The following UBTD1 variants were observed in gnomAD, a reference collection of about 807,000 sequenced individuals.
UBTD1 encodes the protein ubiquitin domain containing 1.
A neutral mutation model predicts 21.7 loss-of-function variants in UBTD1; 19 were observed. The observed-to-expected ratio is 0.87, with a 90% CI of 0.61 to 1.28. The LOEUF (loss-of-function observed/expected upper bound fraction) is 1.28, where lower values mean the gene tolerates loss of function less well. Ranked by LOEUF, UBTD1 falls within the 50% of genes most tolerant of loss-of-function variation. The pLI is 0.00. For synonymous variants in UBTD1, 116 were observed against 135.1 expected (o/e 0.86, Z 0.98); for missense variants, 282 against 315.1 (o/e 0.89, Z 0.80).
chr10:97,510,873 T>G (rs1040799803), intron 1 of UBTD1, among the ~76,000 whole-genome samples: 1 of 152,210 alleles, frequency 6.6e-6, no homozygotes. Flanking sequence ...CAATTCTTGC[T>G]GATCTCAGCA....
chr10:97,505,480 G>A lies in UBTD1; in HGVS notation c.70+6207G>A, dbSNP rs117442624. The stretch of plus-strand genomic sequence containing the variant: ...TTGTTTCTTCCTCAGTTGATCCCCC[G>A]TTTTAAAAAGATAATATTTCCAGTT... On this transcript the variant is annotated intron_variant, in intron 1 of 2. Coordinates refer to ENST00000370664, the MANE Select transcript of UBTD1 (RefSeq NM_024954.5). Among the ~76,000 whole-genome samples, 517 of 152,282 alleles carry A rather than the reference G, an allele frequency of 3.4e-3. 2 individuals carry two copies. The highest frequency in any genetic ancestry group is 6.8e-3 in the African/African-American group (283 of 41,554).
At chr10:97,568,185 G>T (rs1228616466) in intron 2 of UBTD1, 44 bp downstream of exon 2, 3 of 1,600,148 alleles carry the variant, frequency 1.9e-6, no homozygotes, top group African/African-American at 2.7e-5. Context: ...GGAGCTAGGG[G>T]GTCACCAGCA....
At position 97,499,031 on chromosome 10, in the gene UBTD1, C is replaced by T. The variant is rs1299826594; in HGVS notation, c.-173C>T. On this transcript the variant is annotated 5_prime_UTR_variant, in exon 1 of 3. Coordinates refer to ENST00000370664, the MANE Select transcript of UBTD1 (RefSeq NM_024954.5). ...GGAGTCTGCCACTTCCCTCTCTCCC[C>T]TGGCCCGCAAAGTTTTGGCGGAGCC... is the stretch of plus-strand genomic sequence containing the variant. The T allele has an allele frequency of 1.4e-6, 1 of 716,800 alleles. No homozygotes were observed. Among genetic ancestry groups the T allele is most frequent in the African/African-American group, 1.9e-5 (1 of 52,784 alleles). The allele number at this position is 716,800 out of a possible 1,614,324, so 44.4% of individuals were successfully genotyped here. A position where few individuals can be genotyped will look rare whatever the true frequency, so the allele number is the denominator to read the frequency against.
At chr10:97,507,770 G>A (rs1250902358) in intron 1 of UBTD1, among the ~76,000 whole-genome samples, 4 of 90,754 alleles carry the variant, frequency 4.4e-5, no homozygotes, top group Non-Finnish European at 5.9e-5. Flanking sequence ...GCAAGACTCC[G>A]TCTCAAAAAA....
At chr10:97,510,612 T>G (rs544696726) in intron 1 of UBTD1, among the ~76,000 whole-genome samples, 1 of 152,326 alleles carries the variant, frequency 6.6e-6, no homozygotes, top group African/African-American at 2.4e-5. Context: ...CTCGCCATGC[T>G]TGATGCTATA....
At chr10:97,558,323 T>C (rs956909948) in intron 1 of UBTD1, among the ~76,000 whole-genome samples, 2 of 152,230 alleles carry the variant, frequency 1.3e-5, no homozygotes, top group African/African-American at 4.8e-5. Context: ...CTTTGGTATC[T>C]AGTTAGTCTA....
chr10:97,505,009 A>G (rs2040392420), intron 1 of UBTD1, among the ~76,000 whole-genome samples: 1 of 152,112 alleles, frequency 6.6e-6, no homozygotes, highest in African/African-American at 2.4e-5. Context: ...CCTTCTTGCC[A>G]TTTTATGTGT....
intron 1 of UBTD1, among the ~76,000 whole-genome samples, chr10:97,524,208 C>T (rs1280699127): frequency 6.6e-6 from 1 of 152,176 alleles, no homozygotes; most frequent in Non-Finnish European, 1.5e-5. Flanking sequence ...GATCCTCCCA[C>T]TTTAGCCTCT....
At chr10:97,533,735 C>A (rs1238934803) in intron 1 of UBTD1, among the ~76,000 whole-genome samples, 7 of 151,924 alleles carry the variant, frequency 4.6e-5, no homozygotes, top group African/African-American at 7.3e-5. Flanking sequence ...ACCAGCCTGG[C>A]CAACATGGTG....
At chr10:97,523,305 T>G (rs11592144) in intron 1 of UBTD1, among the ~76,000 whole-genome samples, 36,885 of 152,142 alleles carry the variant, frequency 0.24, 4,728 homozygotes, top group Non-Finnish European at 0.28. Flanking sequence ...GGTGGCCATC[T>G]GGGAGCAATA....
At chr10:97,567,787 C>T in intron 1 of UBTD1, 127 bp from the exon 2 acceptor site, 1 of 861,826 alleles carries the variant, frequency 1.2e-6, no homozygotes, top group East Asian at 2.7e-5. Context: ...GCTTCAAAGA[C>T]CTGAATACTT....
rs536025967 is a variant in UBTD1, at chr10:97,570,446, C to T, written c.607C>T (p.Arg203Trp). ...CGGGAAGCTGCTCACAGACCGCACA[C>T]GGCTCCAGGAGACCAAGATCCAGAA... The part of the protein sequence containing the change: ...FSGKLLTDRT[R>W]LQETKIQKDF... Residue 203 changes from arginine to tryptophan, a missense_variant, in exon 3 of 3, where the codon CGG (arginine) becomes TGG (tryptophan). Coordinates refer to ENST00000370664, the MANE Select transcript of UBTD1 (RefSeq NM_024954.5). This position sits in a 1 kb window ranked among gnomAD's most constrained non-coding sequence, Gnocchi z 6.6. The T allele has an allele frequency of 6.9e-5, 111 of 1,613,112 alleles. 1 individual carries two copies. In the South Asian group the frequency reaches 1.0e-3, roughly 15 times the overall value.
chr10:97,552,257 A>G (rs2040641711), intron 1 of UBTD1, among the ~76,000 whole-genome samples: 1 of 151,892 alleles, frequency 6.6e-6, no homozygotes, highest in African/African-American at 2.4e-5. Context: ...GCCTATAATC[A>G]CAGCTCCTCA....
chr10:97,503,576 C>T (rs2040386677), intron 1 of UBTD1, among the ~76,000 whole-genome samples: 1 of 152,198 alleles, frequency 6.6e-6, no homozygotes, highest in Non-Finnish European at 1.5e-5. Flanking sequence ...GGTGGACAGA[C>T]CCAGGGCCCT....
At chr10:97,539,113 C>T (rs542273210) in intron 1 of UBTD1, among the ~76,000 whole-genome samples, 37 of 152,032 alleles carry the variant, frequency 2.4e-4, no homozygotes, top group Middle Eastern at 3.4e-3. Flanking sequence ...ACAGCACAAG[C>T]GGGTTTCTCT....
intron 1 of UBTD1, among the ~76,000 whole-genome samples, chr10:97,536,913 C>A (rs536660748): frequency 1.3e-5 from 2 of 152,160 alleles, no homozygotes; most frequent in Non-Finnish European, 2.9e-5. Flanking sequence ...GCACAGGGTG[C>A]AACTGTGAGG....
At chr10:97,522,654 A>G (rs995219340) in intron 1 of UBTD1, among the ~76,000 whole-genome samples, 1 of 152,192 alleles carries the variant, frequency 6.6e-6, no homozygotes, top group African/African-American at 2.4e-5. Context: ...GACCTCCAGC[A>G]TGTTTTATGA....
intron 1 of UBTD1, among the ~76,000 whole-genome samples, chr10:97,549,508 C>A (rs2040626414): frequency 6.6e-6 from 1 of 152,256 alleles, no homozygotes; most frequent in South Asian, 2.1e-4. Context: ...GTCCCAGCCT[C>A]AGGCAGACAA....
chr10:97,525,076 C>T (rs1243247026), intron 1 of UBTD1, among the ~76,000 whole-genome samples: 1 of 152,168 alleles, frequency 6.6e-6, no homozygotes, highest in Non-Finnish European at 1.5e-5. Context: ...GAAGAATATG[C>T]CTCCCTGCTA....
Sources: allele counts gnomAD v4.1 joint callset (sites outside exome capture counted in the v4.1 genomes callset), GRCh38; gene constraint gnomAD v4.1.1; non-coding constraint Gnocchi (gnomAD v3.1); transcripts MANE v1.5; gene names NCBI Gene and HGNC (gene_info 2026-07-23, HGNC 2026-07-21).